Variants in LGR6 observed in about 807,000 individuals in gnomAD.
LGR6 encodes the protein leucine-rich repeat-containing G protein-coupled receptor 6.
Under a neutral mutation model 69.4 loss-of-function variants are expected in LGR6, and 45 were observed. The ratio of observed to expected loss-of-function variants is 0.65; its 90% confidence interval spans 0.51 to 0.83. The LOEUF (loss-of-function observed/expected upper bound fraction) is 0.83. LGR6 is among the 40% of genes least tolerant of loss of function. The pLI is 0.00. For synonymous variants in LGR6, 538 were observed against 555.0 expected (o/e 0.97, Z 0.43); for missense variants, 1,108 against 1,246.7 (o/e 0.89, Z 1.68).
chr1:202,222,532 G>A (rs761451716), intron 1 of LGR6, among the ~76,000 whole-genome samples: 2 of 152,172 alleles, frequency 1.3e-5, no homozygotes, highest in Admixed American at 6.5e-5. Context: ...CTCCCGCTGC[G>A]TTCCTGTCGA....
At chr1:202,306,281 G>A (rs1040671930) in intron 12 of LGR6, among the ~76,000 whole-genome samples, 3 of 152,188 alleles carry the variant, frequency 2.0e-5, no homozygotes, top group African/African-American at 7.2e-5. Context: ...TCTCTAAGCT[G>A]TATTAACCCA....
intron 4 of LGR6, among the ~76,000 whole-genome samples, chr1:202,256,238 A>T (rs1465425138): frequency 6.6e-6 from 1 of 151,814 alleles, no homozygotes; most frequent in East Asian, 1.9e-4. Flanking sequence ...TTCCTTTTTT[A>T]TTTTTTTTAA....
intron 6 of LGR6, among the ~76,000 whole-genome samples, chr1:202,286,495 A>G (rs1468919987): frequency 1.3e-5 from 2 of 152,204 alleles, no homozygotes; most frequent in Admixed American, 1.3e-4. Flanking sequence ...AGATGGGGAA[A>G]CTGAGACAGA....
At chr1:202,294,912 T>A (rs974459110) in intron 6 of LGR6, among the ~76,000 whole-genome samples, 1 of 152,162 alleles carries the variant, frequency 6.6e-6, no homozygotes, top group Admixed American at 6.5e-5. Context: ...GGCAGAGACC[T>A]GAATGAAGTG....
chr1:202,241,123 G>A (rs1662165423), intron 4 of LGR6, among the ~76,000 whole-genome samples: 1 of 152,134 alleles, frequency 6.6e-6, no homozygotes, highest in Non-Finnish European at 1.5e-5. Context: ...GCTTTCACTG[G>A]GTGACCCTCC....
chr1:202,197,479 G>A (rs974664495), intron 1 of LGR6: 3 of 533,100 alleles, frequency 5.6e-6, no homozygotes, highest in South Asian at 4.2e-5. Context: ...ACTCACCGGG[G>A]TTTTGACATT....
intron 1 of LGR6, among the ~76,000 whole-genome samples, chr1:202,201,655 T>C (rs1658842673): frequency 6.6e-6 from 1 of 152,240 alleles, no homozygotes; most frequent in Non-Finnish European, 1.5e-5. Flanking sequence ...AGCAGGACTC[T>C]GGCTGCGTCA....
intron 16 of LGR6, 71 bp from the exon 17 acceptor site, chr1:202,314,731 C>T: frequency 2.9e-6 from 3 of 1,028,658 alleles, no homozygotes; most frequent in Non-Finnish European, 1.5e-6. Flanking sequence ...AAGGAGGGGG[C>T]ATTTGGAGAA....
chr1:202,293,664 A>C (rs796774065), intron 6 of LGR6, among the ~76,000 whole-genome samples: 1 of 152,200 alleles, frequency 6.6e-6, no homozygotes, highest in Non-Finnish European at 1.5e-5. Context: ...CACAGATTAC[A>C]TCTACATGGT....
At position 202,276,397 on chromosome 1, in the gene LGR6, C is replaced by T. The variant is rs371006987; in HGVS notation, c.520C>T (p.Leu174Phe). 5.0e-6 allele frequency: 8 copies of T among 1,614,226 alleles called. No individual in the cohort carries two copies. In the South Asian group the frequency reaches 5.5e-5, roughly 11 times the overall value. The change falls in exon 5 of 18, where the codon CTC (leucine) becomes TTC (phenylalanine). Residue 174 changes from leucine (L) to phenylalanine (F), a missense_variant. Leu to Phe is a conservative substitution (Grantham distance 22, BLOSUM62 0). Transcript: ENST00000367278. ...CCACCTCTGGCTGGACGACAATGCACTCACGGAGATCCCTGTCAGGGCCCT... is the reference window on the plus strand; with the variant it reads ...CCACCTCTGGCTGGACGACAATGCATTCACGGAGATCCCTGTCAGGGCCCT... ...LRHLWLDDNA[L>F]TEIPVRALNN...
Position 202,319,117 on chromosome 1 carries a change from G to A in LGR6, c.2814G>A (p.Leu938=). The change falls in exon 18 of 18, where the codon CTG becomes CTA. Residue 938 remains leucine (L), a synonymous_variant. Coordinates refer to ENST00000367278, the MANE Select transcript of LGR6 (RefSeq NM_001017403.2). ...CCTCCATGGATGGAGAACTGCTGCT[G>A]AGGGCAGAGGGATCTACGCCAGCAG... ...PQPSMDGELL[L]RAEGSTPAGG... 6.2e-7 allele frequency: 1 copy of A among 1,614,264 alleles called. No individual in the cohort carries two copies. Among genetic ancestry groups the A allele is most frequent in the Middle Eastern group, 1.6e-4 (1 of 6,062 alleles).
chr1:202,278,407 G>A (rs894903352), intron 5 of LGR6, among the ~76,000 whole-genome samples: 3 of 152,142 alleles, frequency 2.0e-5, no homozygotes, highest in Non-Finnish European at 4.4e-5. Flanking sequence ...GCCTGTTATA[G>A]ATCTAGGAGA....
chr1:202,200,538 G>A (rs1466149341), intron 1 of LGR6, among the ~76,000 whole-genome samples: 1 of 152,198 alleles, frequency 6.6e-6, no homozygotes, highest in African/African-American at 2.4e-5. Context: ...CCTTGGGAAG[G>A]TGCAGGAGAT....
At chr1:202,304,424 C>T in intron 10 of LGR6, 135 bp from the exon 11 acceptor site, 1 of 525,650 alleles carries the variant, frequency 1.9e-6, no homozygotes, top group Non-Finnish European at 3.3e-6. Flanking sequence ...ACCCCCTGCC[C>T]TGTCTCTCCC....
chr1:202,194,429 G>T, intron 1 of LGR6: 1 of 593,162 alleles, frequency 1.7e-6, no homozygotes, highest in Non-Finnish European at 3.1e-6. Flanking sequence ...CTTCCCCATT[G>T]GCCTCCGTGC....
intron 14 of LGR6, among the ~76,000 whole-genome samples, chr1:202,307,875 G>C (rs1256128279): frequency 1.3e-5 from 2 of 152,192 alleles, no homozygotes; most frequent in African/African-American, 4.8e-5. Flanking sequence ...TGTAAACAGA[G>C]AGTGAGCAGT....
chr1:202,262,079 T>C (rs999578611), intron 4 of LGR6, among the ~76,000 whole-genome samples: 4 of 152,318 alleles, frequency 2.6e-5, no homozygotes, highest in Admixed American at 2.6e-4. Context: ...GCAGAAGCTC[T>C]TTAGTTTAAT....
At chr1:202,202,606 T>C (rs1326341419) in intron 1 of LGR6, among the ~76,000 whole-genome samples, 1 of 152,252 alleles carries the variant, frequency 6.6e-6, no homozygotes, top group Non-Finnish European at 1.5e-5. Context: ...GGAAAGATGT[T>C]TATAATTAGA....
chr1:202,206,278 A>G (rs780840846), intron 1 of LGR6, among the ~76,000 whole-genome samples: 1 of 152,252 alleles, frequency 6.6e-6, no homozygotes, highest in Non-Finnish European at 1.5e-5. Flanking sequence ...AAAGCAAGAG[A>G]GAATGAGCAT....
Sources: gnomAD v4.1 joint callset for allele counts (sites outside exome capture counted in the v4.1 genomes callset) on GRCh38, gnomAD v4.1.1 for gene constraint, MANE v1.5 for transcripts, NCBI Gene and HGNC (gene_info 2026-07-23, HGNC 2026-07-21) for gene names.